Variants in DCAF4 observed in about 807,000 individuals in gnomAD.
DCAF4 encodes DDB1 and CUL4 associated factor 4.
A neutral mutation model predicts 60.9 loss-of-function variants in DCAF4; 37 were observed. That is an observed-to-expected ratio of 0.61 (90% CI 0.47 to 0.80). The LOEUF (loss-of-function observed/expected upper bound fraction) is 0.80, where lower values mean the gene tolerates loss of function less well. Ranked by LOEUF, DCAF4 falls within the 30% of genes least tolerant of loss-of-function variation. The pLI, the probability that DCAF4 is intolerant of heterozygous loss-of-function variation, is 0.00. For synonymous variants in DCAF4, 243 were observed against 254.8 expected (o/e 0.95, Z 0.44); for missense variants, 577 against 650.0 (o/e 0.89, Z 1.22).
rs565229070 is a variant in DCAF4 at position 72,928,187 on chromosome 14, C to CTTTTTTTT, written c.-9+1660_-9+1667dup. Among the ~76,000 whole-genome samples the CTTTTTTTT allele has an allele frequency of 6.3e-3, 421 of 67,246 alleles. 69 individuals carry two copies. Among genetic ancestry groups the CTTTTTTTT allele is most frequent in the African/African-American group, 0.026 (386 of 15,086 alleles). The allele number at this position is 67,246 out of a possible 152,430, so 44.1% of individuals were successfully genotyped here. A position where few individuals can be genotyped will look rare whatever the true frequency, so the allele number is the denominator to read the frequency against. On this transcript the variant is annotated intron_variant, in intron 1 of 13. Transcript: ENST00000358377. ...CCCGCTAGTCTACAGAATCCCCCCA[C>CTTTTTTTT]TTTTTTTTTTTTTTTTTTTTTTTGA...
chr14:72,929,832 C>G (rs1888292330), intron 1 of DCAF4: 1 of 1,360,852 alleles, frequency 7.3e-7, no homozygotes, highest in African/African-American at 1.4e-5. Context: ...TGCGTTTGCT[C>G]AGACGCCCGC....
chr14:72,958,188 G>A, intron 13 of DCAF4: 1 of 183,560 alleles, frequency 5.4e-6, no homozygotes, highest in Non-Finnish European at 1.1e-5. Context: ...CAGAAGGATG[G>A]CTTGGGCCCA....
rs980054105 is a variant in DCAF4, at chr14:72,958,957, G to T, written c.*152G>T. On this transcript the variant is annotated 3_prime_UTR_variant, in exon 14 of 14. Coordinates refer to ENST00000358377, the MANE Select transcript of DCAF4 (RefSeq NM_015604.4). ...AGGAGAGAAGTGCTGAATGTTCCGT[G>T]TGGAGATGCTCAGGAAAGTTATTTG... 7.5e-7 allele frequency: 1 copy of T among 1,335,286 alleles called. No individual in the cohort carries two copies. Among genetic ancestry groups the T allele is most frequent in the Non-Finnish European group, 9.5e-7 (1 of 1,047,548 alleles). The allele number at this position is 1,335,286 out of a possible 1,614,324, so 82.7% of individuals were successfully genotyped here. A position where few individuals can be genotyped will look rare whatever the true frequency, so the allele number is the denominator to read the frequency against.
chr14:72,930,314 G>C (rs192178077), intron 1 of DCAF4, among the ~76,000 whole-genome samples: 83 of 151,782 alleles, frequency 5.5e-4, no homozygotes, highest in Middle Eastern at 3.4e-3. Context: ...TGTCGCCCAG[G>C]CTGCAATGCA....
chr14:72,933,666 T>A (rs1018080133), intron 1 of DCAF4, among the ~76,000 whole-genome samples: 1 of 152,216 alleles, frequency 6.6e-6, no homozygotes, highest in Admixed American at 6.5e-5. Flanking sequence ...ATCTGTCTCT[T>A]TAGGCTCAAT....
At chr14:72,952,851 C>T (rs1280325874) in intron 9 of DCAF4, among the ~76,000 whole-genome samples, 6 of 151,332 alleles carry the variant, frequency 4.0e-5, no homozygotes, top group Non-Finnish European at 5.9e-5. Flanking sequence ...CACACCACCA[C>T]GCCCGGCTAA....
At chr14:72,942,791 C>T in intron 5 of DCAF4, 1 of 567,782 alleles carries the variant, frequency 1.8e-6, no homozygotes, top group Non-Finnish European at 3.1e-6. Flanking sequence ...CCCACTTCTT[C>T]ATTTTCATCT....
chr14:72,943,998 G>C (rs1038873344), intron 6 of DCAF4, among the ~76,000 whole-genome samples: 2 of 152,154 alleles, frequency 1.3e-5, no homozygotes, highest in Admixed American at 6.5e-5. Context: ...TGTGTGCTTG[G>C]GGGTATGGTT....
intron 6 of DCAF4, among the ~76,000 whole-genome samples, 189 bp downstream of exon 6, chr14:72,943,285 A>AGGCT (rs1189400896): frequency 6.6e-6 from 1 of 152,210 alleles, no homozygotes; most frequent in Non-Finnish European, 1.5e-5. Flanking sequence ...GCTGGCAGGC[A>AGGCT]GGCTGTGGGG....
chr14:72,956,885 G>A (rs41317308), intron 13 of DCAF4: 7,371 of 244,408 alleles, frequency 0.03, 172 homozygotes, highest in Non-Finnish European at 0.043. Context: ...TCCACCAGAG[G>A]ATGCTGAGAA....
chr14:72,930,055 G>A (rs1599565645), intron 1 of DCAF4: 5 of 551,086 alleles, frequency 9.1e-6, no homozygotes, highest in East Asian at 8.9e-5. Flanking sequence ...GGCTTGAGCC[G>A]GGGAGATGGA....
Position 72,945,948 on chromosome 14 carries a change from G to GT in DCAF4, c.600dup (p.Ile201TyrfsTer67). The GT allele has an allele frequency of 6.2e-7, 1 of 1,614,142 alleles. No individual in the cohort carries two copies. The highest frequency in any genetic ancestry group is 8.5e-7 in the Non-Finnish European group (1 of 1,180,032). ...GTTAAAGTTGGAGGCTCCAAGTATG[G>GT]TATCATCAACCTGCAAAGTCTGAAG... On this transcript the variant is annotated frameshift_variant, in exon 7 of 14. Transcript: ENST00000358377. LOFTEE classifies it high-confidence loss of function.
chr14:72,940,193 TG>T, intron 3 of DCAF4, 26 bp from the exon 4 acceptor site: 1 of 1,613,582 alleles, frequency 6.2e-7, no homozygotes, highest in Non-Finnish European at 8.5e-7. Flanking sequence ...TGGTTGAAAT[TG>T]GTGCATTTAA....
At chr14:72,945,275 C>T (rs1189007155) in intron 6 of DCAF4, among the ~76,000 whole-genome samples, 3 of 152,028 alleles carry the variant, frequency 2.0e-5, no homozygotes, top group Non-Finnish European at 4.4e-5. Flanking sequence ...TGCCTGTAGT[C>T]CTAGCTGCTC....
chr14:72,953,732 A>AAAAAAT (rs1555527852), intron 9 of DCAF4, among the ~76,000 whole-genome samples: 5 of 21,778 alleles, frequency 2.3e-4, no homozygotes, highest in Admixed American at 8.0e-4. Flanking sequence ...AAAAAAAAAA[A>AAAAAAT]ATATATATAT....
chr14:72,953,318 A>T (rs1351692462), intron 9 of DCAF4, among the ~76,000 whole-genome samples: 5 of 151,970 alleles, frequency 3.3e-5, no homozygotes, highest in African/African-American at 1.2e-4. Context: ...TTTATTTCTT[A>T]ACCTGGGTGG....
rs763928317 is a variant in DCAF4, at chr14:72,956,476, G to A, written c.1270G>A (p.Glu424Lys). The part of the protein sequence containing the change: ...EYAYLPLHVH[E>K]EEGILVAVGQ... ...CGCCTACCTGCCCCTGCATGTGCAC[G>A]AGGAAGAAGGAATCCTGGTGGCAGG... The change falls in exon 13 of 14, where the codon GAG (glutamate) becomes AAG (lysine). Residue 424 changes from glutamate (E) to lysine (K), a missense_variant. Physicochemically the swap from Glu to Lys is moderately conservative, Grantham distance 56. Coordinates refer to ENST00000358377, the MANE Select transcript of DCAF4 (RefSeq NM_015604.4). The A allele has an allele frequency of 4.3e-5, 70 of 1,612,814 alleles. No homozygotes were observed. Among genetic ancestry groups the A allele is most frequent in the Admixed American group, 2.2e-4 (13 of 59,836 alleles).
At chr14:72,948,485 A>G (rs545462399) in intron 8 of DCAF4, among the ~76,000 whole-genome samples, 47 of 152,352 alleles carry the variant, frequency 3.1e-4, no homozygotes, top group Non-Finnish European at 4.3e-4. Context: ...CTGTAGGCCA[A>G]TGGGACTGAC....
intron 5 of DCAF4, chr14:72,942,331 A>C (rs1346284907): frequency 6.4e-6 from 1 of 155,828 alleles, no homozygotes; most frequent in Admixed American, 6.3e-5. Flanking sequence ...TGATTTGCTC[A>C]AGGTAAAGCT....
Sources: allele counts gnomAD v4.1 joint callset (sites outside exome capture counted in the v4.1 genomes callset), GRCh38; gene constraint gnomAD v4.1.1; transcripts MANE v1.5; gene names NCBI Gene and HGNC (gene_info 2026-07-23, HGNC 2026-07-21).